GRIK4: variants seen among roughly 807,000 people sequenced by gnomAD.
The protein encoded by GRIK4 is glutamate receptor ionotropic, kainate 4.
In GRIK4, 40 loss-of-function variants were observed where a neutral mutation model predicts 104.9. The ratio of observed to expected loss-of-function variants is 0.38; its 90% confidence interval spans 0.30 to 0.50. GRIK4 has a LOEUF of 0.50. Among genes scored for constraint, GRIK4 ranks in the 20% least tolerant of loss-of-function variants. GRIK4 has a pLI of 0.93. For synonymous variants in GRIK4, 485 were observed against 524.9 expected (o/e 0.92, Z 1.04); for missense variants, 1,047 against 1,308.1 (o/e 0.80, Z 3.08).
At chr11:120,686,140 G>A (rs923311581) in intron 3 of GRIK4, among the ~76,000 whole-genome samples, 28 of 151,890 alleles carry the variant, frequency 1.8e-4, no homozygotes, top group Non-Finnish European at 8.8e-5. Flanking sequence ...CACATCGTAA[G>A]CGCATAATAA....
intron 3 of GRIK4, among the ~76,000 whole-genome samples, chr11:120,773,011 T>C (rs1016622720): frequency 6.6e-6 from 1 of 152,230 alleles, no homozygotes; most frequent in African/African-American, 2.4e-5. Flanking sequence ...TTGAGTACTA[T>C]TCCAACAATA....
chr11:120,610,697 A>G (rs1394176913), intron 1 of GRIK4, among the ~76,000 whole-genome samples: 5 of 152,174 alleles, frequency 3.3e-5, no homozygotes, highest in African/African-American at 9.7e-5. Flanking sequence ...TAAGTTTTCA[A>G]AGGAACGACA....
chr11:120,708,372 A>G (rs1950664541), intron 3 of GRIK4, among the ~76,000 whole-genome samples: 1 of 152,094 alleles, frequency 6.6e-6, no homozygotes. Flanking sequence ...TGAGAAAAAT[A>G]CATCCCCTCC....
intron 3 of GRIK4, among the ~76,000 whole-genome samples, chr11:120,748,175 C>G (rs995299893): frequency 1.4e-4 from 21 of 146,902 alleles, no homozygotes; most frequent in Admixed American, 6.0e-4. Flanking sequence ...GAGAAGCTGG[C>G]CGACAGGTTA....
In GRIK4 at chr11:120,967,163, C is replaced by G. The variant is rs754739133; in HGVS notation, c.2267-32C>G. The G allele has an allele frequency of 6.9e-6, 11 of 1,596,958 alleles. No individual in the cohort carries two copies. The highest frequency in any genetic ancestry group is 1.3e-5 in the African/African-American group (1 of 74,596). Reference sequence around the variant, plus strand: ...TGACACCTAACAGGGCATTCACAACCTGTGTCCTGGGCTCTCCCGTAACCC... The same window carrying G: ...TGACACCTAACAGGGCATTCACAACGTGTGTCCTGGGCTCTCCCGTAACCC... On this transcript the variant is annotated intron_variant, in intron 18 of 20. Coordinates refer to ENST00000527524, the MANE Select transcript of GRIK4 (RefSeq NM_014619.5). This position sits in a 1 kb window ranked among gnomAD's most constrained non-coding sequence, Gnocchi z 4.2.
chr11:120,618,101 G>C (rs1369543528), intron 1 of GRIK4, among the ~76,000 whole-genome samples: 1 of 152,144 alleles, frequency 6.6e-6, no homozygotes, highest in Non-Finnish European at 1.5e-5. Context: ...TATGAACAGA[G>C]ATAGCCAGGC....
intron 3 of GRIK4, among the ~76,000 whole-genome samples, chr11:120,673,354 G>T (rs191080388): frequency 6.6e-6 from 1 of 152,282 alleles, no homozygotes; most frequent in East Asian, 1.9e-4. Context: ...AGAGATGGGC[G>T]GTCTCACGGA....
At chr11:120,919,452 C>T (rs74602542) in intron 13 of GRIK4, among the ~76,000 whole-genome samples, 1 of 152,158 alleles carries the variant, frequency 6.6e-6, no homozygotes, top group Non-Finnish European at 1.5e-5. Context: ...TGTCCTTGAA[C>T]GAGTAGCATC....
chr11:120,776,893 T>C (rs879617948), intron 3 of GRIK4, among the ~76,000 whole-genome samples: 2 of 152,182 alleles, frequency 1.3e-5, no homozygotes, highest in African/African-American at 2.4e-5. Flanking sequence ...AGAGTCCCCT[T>C]ACATAGAAGT....
intron 3 of GRIK4, among the ~76,000 whole-genome samples, chr11:120,777,789 G>T (rs1276917901): frequency 2.6e-5 from 4 of 152,058 alleles, no homozygotes; most frequent in African/African-American, 7.2e-5. Context: ...ATACAAAAAG[G>T]AGCCGGGCAT....
intron 3 of GRIK4, among the ~76,000 whole-genome samples, chr11:120,715,186 C>T (rs1241833929): frequency 1.3e-5 from 2 of 152,148 alleles, no homozygotes; most frequent in Admixed American, 6.5e-5. Flanking sequence ...TGCTGGGATT[C>T]GGCTTATCTG....
At chr11:120,826,618 C>G (rs946487587) in intron 6 of GRIK4, among the ~76,000 whole-genome samples, 1 of 152,198 alleles carries the variant, frequency 6.6e-6, no homozygotes, top group African/African-American at 2.4e-5. Context: ...AACACAGAGG[C>G]CGGGGTCTTC....
intron 19 of GRIK4, among the ~76,000 whole-genome samples, chr11:120,975,540 C>T (rs1280733185): frequency 6.6e-6 from 1 of 152,198 alleles, no homozygotes; most frequent in Non-Finnish European, 1.5e-5. Flanking sequence ...ATTGTTAAGA[C>T]TTCAGCTCAC....
At chr11:120,852,642 C>G (rs986875835) in intron 8 of GRIK4, among the ~76,000 whole-genome samples, 2 of 152,192 alleles carry the variant, frequency 1.3e-5, no homozygotes, top group Non-Finnish European at 2.9e-5. Flanking sequence ...GAATTAGCCT[C>G]CCAGCTGCTA....
chr11:120,755,334 C>T lies in GRIK4; in HGVS notation c.83-47359C>T, dbSNP rs75420183. Among the ~76,000 whole-genome samples the T allele has an allele frequency of 7.7e-3, 1,176 of 152,188 alleles. 16 individuals carry two copies. The highest frequency in any genetic ancestry group is 0.026 in the African/African-American group (1,066 of 41,530). ...GCTAACTGTTTAAAAAGCATTTACTCGGTGGCTCACACCTATAATCCCAGC... is the reference window on the plus strand; with the variant it reads ...GCTAACTGTTTAAAAAGCATTTACTTGGTGGCTCACACCTATAATCCCAGC... On this transcript the variant is annotated intron_variant, in intron 3 of 20. Coordinates refer to ENST00000527524, the MANE Select transcript of GRIK4 (RefSeq NM_014619.5).
At chr11:120,551,406 C>T (rs1394921078) in intron 1 of GRIK4, among the ~76,000 whole-genome samples, 1 of 152,174 alleles carries the variant, frequency 6.6e-6, no homozygotes, top group Non-Finnish European at 1.5e-5. Flanking sequence ...GGAAGGAATG[C>T]TGCAGAGAGA....
chr11:120,594,392 G>A (rs923208591), intron 1 of GRIK4, among the ~76,000 whole-genome samples: 1 of 152,188 alleles, frequency 6.6e-6, no homozygotes, highest in African/African-American at 2.4e-5. Context: ...TGGGAGGATC[G>A]CCTGAGCCTG....
At chr11:120,804,762 C>G (rs1346268789) in intron 4 of GRIK4, among the ~76,000 whole-genome samples, 1 of 152,150 alleles carries the variant, frequency 6.6e-6, no homozygotes, top group African/African-American at 2.4e-5. Flanking sequence ...ATGTGCATCC[C>G]CAAGGTCTGG....
intron 11 of GRIK4, among the ~76,000 whole-genome samples, chr11:120,895,705 G>A (rs542797333): frequency 6.6e-6 from 1 of 152,244 alleles, no homozygotes; most frequent in African/African-American, 2.4e-5. Context: ...GGAACCTTAG[G>A]CAAGCCATTA....
Sources: gnomAD v4.1 joint callset for allele counts (sites outside exome capture counted in the v4.1 genomes callset) on GRCh38, gnomAD v4.1.1 for gene constraint, Gnocchi (gnomAD v3.1) non-coding constraint, MANE v1.5 for transcripts, NCBI Gene and HGNC (gene_info 2026-07-23, HGNC 2026-07-21) for gene names.